The following OR56A3 variants were observed in gnomAD, a reference collection of about 807,000 sequenced individuals.
OR56A3 encodes olfactory receptor family 56 subfamily A member 3.
In OR56A3, 23 loss-of-function variants were observed where a neutral mutation model predicts 17.5. The observed-to-expected ratio is 1.32, with a 90% CI of 0.95 to 1.87. The LOEUF (loss-of-function observed/expected upper bound fraction) is 1.87, where lower values mean the gene tolerates loss of function less well. OR56A3 is among the 40% of genes most tolerant of loss of function. The pLI is 0.00. For missense variants in OR56A3, 366 were observed against 380.1 expected (o/e 0.96, Z 0.31); for synonymous variants, 175 against 150.6 (o/e 1.16, Z -1.19).
At chr11:5,994,342 C>CAA in the OR56A3 span, 1 of 683,682 alleles carries the variant, frequency 1.5e-6, no homozygotes, top group South Asian at 1.4e-5. Flanking sequence ...GTGCTCTCCT[C>CAA]AATCTGCTGA....
At chr11:6,018,624 T>A in the OR56A3 span, among the ~76,000 whole-genome samples, 1 of 151,876 alleles carries the variant, frequency 6.6e-6, no homozygotes, top group East Asian at 1.9e-4. Flanking sequence ...AACCTAATAA[T>A]GCACCTCAAG....
At chr11:5,967,446 G>A in the OR56A3 span, 2 of 831,976 alleles carry the variant, frequency 2.4e-6, no homozygotes, top group South Asian at 1.9e-5. Context: ...AGAAAGCCAA[G>A]TCTAAACTTA....
the OR56A3 span, among the ~76,000 whole-genome samples, chr11:5,995,752 G>A: frequency 5.3e-5 from 8 of 152,036 alleles, no homozygotes; most frequent in Admixed American, 2.0e-4. Flanking sequence ...ACCACCAAAC[G>A]TTCACTATCT....
chr11:6,015,121 G>A, the OR56A3 span, among the ~76,000 whole-genome samples: 2 of 151,864 alleles, frequency 1.3e-5, no homozygotes, highest in African/African-American at 4.8e-5. Flanking sequence ...TTTCAGGGAG[G>A]CATTCAAGCA....
At position 5,947,802 on chromosome 11, in the gene OR56A3, T is replaced by C; in HGVS notation, c.456T>C (p.Ile152=). 1 of 1,614,210 alleles carries C rather than the reference T, an allele frequency of 6.2e-7. No individual in the cohort carries two copies. The highest frequency in any genetic ancestry group is 8.5e-7 in the Non-Finnish European group (1 of 1,180,036). Reference sequence around the variant, plus strand: ...TTGTAGTCAAGGCTGCCATGTTTATTTTGACCAGAAATGTGCTTATGACTC... The same window carrying C: ...TTGTAGTCAAGGCTGCCATGTTTATCTTGACCAGAAATGTGCTTATGACTC... ...DHFVVKAAMF[I]LTRNVLMTLP... Residue 152 remains isoleucine, a synonymous_variant, in exon 3 of 3, where the codon ATT becomes ATC. Coordinates refer to ENST00000641160, the MANE Select transcript of OR56A3 (RefSeq NM_001003443.3).
At chr11:5,990,341 G>A in the OR56A3 span, among the ~76,000 whole-genome samples, 2 of 152,226 alleles carry the variant, frequency 1.3e-5, no homozygotes, top group Non-Finnish European at 2.9e-5. Flanking sequence ...AGCAAACAGT[G>A]GCGTGTCTTT....
At chr11:6,013,896 T>C in the OR56A3 span, among the ~76,000 whole-genome samples, 2 of 152,168 alleles carry the variant, frequency 1.3e-5, no homozygotes, top group Admixed American at 1.3e-4. Flanking sequence ...GCATGCCACC[T>C]GGAAGCAGAC....
the OR56A3 span, among the ~76,000 whole-genome samples, chr11:6,014,989 C>CAAAAA: frequency 0.027 from 955 of 35,176 alleles, 225 homozygotes; most frequent in Non-Finnish European, 0.034. Flanking sequence ...TATTCATGGG[C>CAAAAA]AAAAAAAAAA....
the OR56A3 span, among the ~76,000 whole-genome samples, chr11:5,997,722 A>C: frequency 1.3e-5 from 2 of 152,202 alleles, no homozygotes; most frequent in Non-Finnish European, 2.9e-5. Flanking sequence ...AGAGAGCTTC[A>C]TTTCAGACTT....
At chr11:6,016,821 A>T in the OR56A3 span, among the ~76,000 whole-genome samples, 1 of 16,588 alleles carries the variant, frequency 6.0e-5, no homozygotes, top group Admixed American at 1.1e-3. Context: ...AGATATCATT[A>T]AAAAAAAAAG....
At chr11:5,986,682 C>G in the OR56A3 span, 5 of 1,613,940 alleles carry the variant, frequency 3.1e-6, no homozygotes, top group Non-Finnish European at 4.2e-6. Flanking sequence ...TGGCAGCTAG[C>G]ATGGACAGGA....
chr11:5,973,952 C>T, the OR56A3 span, among the ~76,000 whole-genome samples: 2 of 152,228 alleles, frequency 1.3e-5, no homozygotes, highest in South Asian at 2.1e-4. Context: ...TCTTCCAAAG[C>T]TCCAGTGCTT....
the OR56A3 span, chr11:5,999,608 A>C: frequency 2.0e-4 from 30 of 152,340 alleles, no homozygotes; most frequent in African/African-American, 7.0e-4. Flanking sequence ...GGCTAAAAAT[A>C]TGGCTCTCTG....
rs747222635 is a variant in OR56A3, at chr11:5,947,841, C to G, written c.495C>G (p.Ile165Met). ...TGCTTATGACTCTGCCCATCCCCAT[C>G]CTTTCAGCACAACTCCGTTATTGTG... ...RNVLMTLPIP[I>M]LSAQLRYCGR... is the part of the protein sequence containing the mutation. Residue 165 changes from isoleucine to methionine, a missense_variant, in exon 3 of 3, where the codon ATC (isoleucine) becomes ATG (methionine). Coordinates refer to ENST00000641160, the MANE Select transcript of OR56A3 (RefSeq NM_001003443.3). 26 of 1,614,084 alleles carry G rather than the reference C, an allele frequency of 1.6e-5. No individual in the cohort carries two copies. The East Asian group carries it at 5.1e-4, about 32-fold the overall frequency.
the OR56A3 span, among the ~76,000 whole-genome samples, chr11:5,998,316 A>G: frequency 6.6e-6 from 1 of 152,180 alleles, no homozygotes. Flanking sequence ...TTCCAACCCT[A>G]CCACCTCTTC....
intron 2 of OR56A3, among the ~76,000 whole-genome samples, chr11:5,946,181 T>C (rs555774474): frequency 4.0e-4 from 61 of 152,390 alleles, no homozygotes; most frequent in African/African-American, 1.4e-3. Flanking sequence ...CACATCACCC[T>C]ATTTATAATG....
At chr11:5,991,583 C>A in the OR56A3 span, among the ~76,000 whole-genome samples, 1 of 152,134 alleles carries the variant, frequency 6.6e-6, no homozygotes, top group Non-Finnish European at 1.5e-5. Flanking sequence ...TAAGAAGTGT[C>A]AGACCAGAGG....
At chr11:5,952,262 C>A (rs368357680), downstream of OR56A3, among the ~76,000 whole-genome samples, 149 of 152,208 alleles carry the variant, frequency 9.8e-4, 1 homozygote, top group African/African-American at 3.4e-3. Flanking sequence ...GAAAGGTAGA[C>A]CCAAATCTAG....
At chr11:5,984,593 C>G in the OR56A3 span, among the ~76,000 whole-genome samples, 1 of 152,094 alleles carries the variant, frequency 6.6e-6, no homozygotes, top group Admixed American at 6.5e-5. Flanking sequence ...GACAATTTAC[C>G]AGAGTTTAAG....
Sources: gnomAD v4.1 joint callset for allele counts (sites outside exome capture counted in the v4.1 genomes callset) on GRCh38, gnomAD v4.1.1 for gene constraint, MANE v1.5 for transcripts, NCBI Gene and HGNC (gene_info 2026-07-23, HGNC 2026-07-21) for gene names.